WWTR1: variants seen among roughly 807,000 people sequenced by gnomAD.
WWTR1 encodes the protein WW domain-containing transcription regulator protein 1.
WWTR1 carries 13 observed loss-of-function variants against 40.1 expected under a neutral mutation model. That is an observed-to-expected ratio of 0.32 (90% CI 0.21 to 0.52). WWTR1 has a LOEUF of 0.52. Ranked by LOEUF, WWTR1 falls within the 20% of genes least tolerant of loss-of-function variation. WWTR1 has a pLI of 0.97. For missense variants in WWTR1, 436 were observed against 523.1 expected (o/e 0.83, Z 1.63); for synonymous variants, 230 against 210.1 (o/e 1.09, Z -0.82).
At chr3:149,636,395 G>A (rs1266673155) in intron 2 of WWTR1, among the ~76,000 whole-genome samples, 1 of 152,186 alleles carries the variant, frequency 6.6e-6, no homozygotes, top group Non-Finnish European at 1.5e-5. Flanking sequence ...AAGGCAAGGA[G>A]GGGGTAGTAA....
chr3:149,682,418 GC>G (rs1481194980), intron 1 of WWTR1, among the ~76,000 whole-genome samples: 2 of 152,146 alleles, frequency 1.3e-5, no homozygotes, highest in African/African-American at 4.8e-5. Context: ...TTTAAAATTG[GC>G]CATGGGAACC....
intron 3 of WWTR1, among the ~76,000 whole-genome samples, chr3:149,565,740 C>T (rs1056251276): frequency 3.3e-5 from 5 of 151,630 alleles, no homozygotes; most frequent in African/African-American, 7.3e-5. Context: ...AGAGAAACCC[C>T]GTCTCTACTA....
At chr3:149,612,272 C>T (rs1739766985) in intron 2 of WWTR1, among the ~76,000 whole-genome samples, 1 of 151,762 alleles carries the variant, frequency 6.6e-6, no homozygotes, top group South Asian at 2.1e-4. Context: ...GAGGTACATT[C>T]ATTTTATACT....
chr3:149,708,485 C>G (rs570246193), intron 5 of WWTR1, among the ~76,000 whole-genome samples: 1 of 152,318 alleles, frequency 6.6e-6, no homozygotes, highest in Admixed American at 6.5e-5. Context: ...ACCCCCACTG[C>G]TGCCCTGCTT....
At chr3:149,579,581 G>A (rs1738048191) in intron 2 of WWTR1, among the ~76,000 whole-genome samples, 1 of 152,086 alleles carries the variant, frequency 6.6e-6, no homozygotes, top group Non-Finnish European at 1.5e-5. Flanking sequence ...GGAGGCTGAG[G>A]CGGGAGGACT....
chr3:149,562,517 T>C (rs931998331), intron 3 of WWTR1, among the ~76,000 whole-genome samples: 6 of 151,914 alleles, frequency 3.9e-5, no homozygotes, highest in Non-Finnish European at 7.4e-5. Flanking sequence ...ATAGCAATTA[T>C]GTAATATGGA....
rs537497230 is a variant in WWTR1, at chr3:149,565,601, G to A, written c.568+7263C>T. On this transcript the variant is annotated intron_variant, in intron 3 of 6. Transcript: ENST00000360632. ...TCATTTCACATATTCCTTAAAAACC[G>A]TAAAAGAAAGGAACTATAAAGAATG... is the stretch of plus-strand genomic sequence containing the variant. Among the ~76,000 whole-genome samples the A allele has an allele frequency of 1.5e-3, 226 of 152,140 alleles. 1 individual carries two copies. Among genetic ancestry groups the A allele is most frequent in the Admixed American group, 2.9e-3 (44 of 15,258 alleles).
intron 3 of WWTR1, among the ~76,000 whole-genome samples, chr3:149,544,893 G>A (rs991737257): frequency 6.6e-6 from 1 of 152,184 alleles, no homozygotes; most frequent in Non-Finnish European, 1.5e-5. Context: ...CCAATAACAT[G>A]CTAGTAAAAG....
chr3:149,658,100 A>G (rs1378588514), upstream of WWTR1: 1 of 152,938 alleles, frequency 6.5e-6, no homozygotes, highest in Non-Finnish European at 1.5e-5. Flanking sequence ...CTGTTGAATT[A>G]TGTATGACCT....
At chr3:149,562,069 C>A (rs1056382437) in intron 3 of WWTR1, among the ~76,000 whole-genome samples, 1 of 152,010 alleles carries the variant, frequency 6.6e-6, no homozygotes. Flanking sequence ...CCGAGGCGGG[C>A]GGATCACCTG....
intron 1 of WWTR1, among the ~76,000 whole-genome samples, chr3:149,699,305 T>TTC (rs977380751): frequency 2.6e-5 from 4 of 151,754 alleles, no homozygotes; most frequent in African/African-American, 9.7e-5. Flanking sequence ...TTTTTTTTTT[T>TTC]TTTTTGAGAT....
chr3:149,598,281 A>T (rs1333310992), intron 2 of WWTR1, among the ~76,000 whole-genome samples: 1 of 152,246 alleles, frequency 6.6e-6, no homozygotes, highest in African/African-American at 2.4e-5. Flanking sequence ...ACTTGCCACC[A>T]TCCAGCTGTT....
intron 1 of WWTR1, among the ~76,000 whole-genome samples, chr3:149,683,509 C>CT (rs1714529180): frequency 1.3e-5 from 2 of 152,120 alleles, no homozygotes; most frequent in Non-Finnish European, 2.9e-5. Context: ...GCCTGGCCAA[C>CT]ATGGTGAAAC....
intron 4 of WWTR1, among the ~76,000 whole-genome samples, chr3:149,720,897 T>C (rs903202862): frequency 6.6e-6 from 1 of 152,184 alleles, no homozygotes; most frequent in African/African-American, 2.4e-5. Context: ...ATGGAATTGT[T>C]TTCTTAAGTT....
intron 1 of WWTR1, among the ~76,000 whole-genome samples, chr3:149,694,877 C>G (rs1431159772): frequency 6.6e-6 from 1 of 152,192 alleles, no homozygotes; most frequent in Non-Finnish European, 1.5e-5. Context: ...CACTGCAGCA[C>G]TATTCATAAT....
chr3:149,615,601 G>T (rs139038611), intron 2 of WWTR1, among the ~76,000 whole-genome samples: 159 of 152,248 alleles, frequency 1.0e-3, no homozygotes, highest in African/African-American at 3.6e-3. Context: ...CGTACCCAGT[G>T]CACAAATAAT....
At position 149,656,945 on chromosome 3, in the gene WWTR1, G is replaced by A. The variant is rs766632650; in HGVS notation, c.362C>T (p.Thr121Ile). The A allele has an allele frequency of 3.2e-6, 5 of 1,579,094 alleles. No homozygotes were observed. In the African/African-American group the frequency reaches 6.8e-5, roughly 21 times the overall value. The change falls in exon 2 of 7, where the codon ACC becomes ATC. Residue 121 changes from threonine (T) to isoleucine (I), a missense_variant. Transcript: ENST00000360632. ...GCCCGGGGGCAGTGGCAGCTCGTCG[G>A]TCACGTCGTAGGACTGCTGGCGGAG... Reference protein sequence around the residue: ...AHLRQQSYDVTDELPLPPGWE... With the variant: ...AHLRQQSYDVIDELPLPPGWE...
intron 2 of WWTR1, among the ~76,000 whole-genome samples, chr3:149,645,834 C>T (rs1190064295): frequency 6.6e-6 from 1 of 152,094 alleles, no homozygotes; most frequent in East Asian, 1.9e-4. Context: ...GTGTATTTTT[C>T]TCCAGTCACC....
intron 2 of WWTR1, among the ~76,000 whole-genome samples, chr3:149,620,641 A>G (rs1740227501): frequency 6.6e-6 from 1 of 150,552 alleles, no homozygotes; most frequent in Non-Finnish European, 1.5e-5. Context: ...TCTACTCCAC[A>G]TGACAGAGGA....
Sources: gnomAD v4.1 joint callset for allele counts (sites outside exome capture counted in the v4.1 genomes callset) on GRCh38, gnomAD v4.1.1 for gene constraint, MANE v1.5 for transcripts, NCBI Gene and HGNC (gene_info 2026-07-23, HGNC 2026-07-21) for gene names.